The following GTF3C6 variants were observed in gnomAD, a reference collection of about 807,000 sequenced individuals.
GTF3C6 encodes general transcription factor 3C polypeptide 6.
Under a neutral mutation model 19.2 loss-of-function variants are expected in GTF3C6, and 11 were observed. The observed-to-expected ratio is 0.57, with a 90% CI of 0.36 to 0.95. The LOEUF is 0.95. Ranked by LOEUF, GTF3C6 falls within the 40% of genes least tolerant of loss-of-function variation. The pLI, the probability that GTF3C6 is intolerant of heterozygous loss-of-function variation, is 0.01. For synonymous variants in GTF3C6, 87 were observed against 84.2 expected, an observed-to-expected ratio of 1.03 and a Z score of -0.18; for missense variants, 222 against 254.7, an observed-to-expected ratio of 0.87 and a Z score of 0.87.
chr6:110,959,440 C>T (rs1221773128), intron 2 of GTF3C6, among the ~76,000 whole-genome samples, 188 bp downstream of exon 2: 1 of 152,032 alleles, frequency 6.6e-6, no homozygotes, highest in Non-Finnish European at 1.5e-5. Context: ...AGAAGTACAG[C>T]GGGGACTATG....
At chr6:110,963,162 C>A (rs1283919377) in intron 5 of GTF3C6, among the ~76,000 whole-genome samples, 1 of 152,102 alleles carries the variant, frequency 6.6e-6, no homozygotes, top group Non-Finnish European at 1.5e-5. Context: ...AAGTGATCCA[C>A]CTACCTTGGC....
chr6:110,966,170 T>C (rs1431761307), intron 5 of GTF3C6, among the ~76,000 whole-genome samples: 2 of 152,286 alleles, frequency 1.3e-5, no homozygotes, highest in Admixed American at 1.3e-4. Context: ...TTTTATGAAC[T>C]AGCCTTAGAA....
At chr6:110,962,606 C>T (rs1351403952) in intron 5 of GTF3C6, 101 bp downstream of exon 5, 6 of 675,002 alleles carry the variant, frequency 8.9e-6, no homozygotes, top group African/African-American at 1.8e-5. Context: ...AATAACTATA[C>T]ATGATTTTTG....
chr6:110,959,971 A>AATAAT (rs544376504), intron 2 of GTF3C6, among the ~76,000 whole-genome samples: 1 of 151,374 alleles, frequency 6.6e-6, no homozygotes, highest in Admixed American at 6.6e-5. Flanking sequence ...TAAAAAAAAA[A>AATAAT]AATAATAATA....
At position 110,959,067 on chromosome 6, in the gene GTF3C6, A is replaced by G; in HGVS notation, c.58-105A>G. 3 of 929,354 alleles carry G rather than the reference A, an allele frequency of 3.2e-6. No homozygotes were observed. The East Asian group carries it at 7.2e-5, about 22-fold the overall frequency. The allele number at this position is 929,354 out of a possible 1,614,324, so 57.6% of individuals were successfully genotyped here. A position where few individuals can be genotyped will look rare whatever the true frequency, so the allele number is the denominator to read the frequency against. On this transcript the variant is annotated intron_variant, in intron 1 of 5. Transcript: ENST00000329970. ...GGTAGCGTAGTTTCCTCTTGCTGAA[A>G]ACAGGGTCCGGTTTTCACAAATGTG...
rs117118545 is a variant in GTF3C6, at chr6:110,962,817, C to T, written c.361+312C>T. Among the ~76,000 whole-genome samples the T allele has an allele frequency of 5.3e-4, 80 of 152,046 alleles. 2 individuals are homozygous for T. The East Asian group carries it at 0.015, about 28-fold the overall frequency. On this transcript the variant is annotated intron_variant, in intron 5 of 5. Transcript: ENST00000329970. ...TTATCCAGACGAAGTCTCGCACTGTCGCCCGGGCCGGAGTGCAGTGTCGCG... is the reference window on the plus strand; with the variant it reads ...TTATCCAGACGAAGTCTCGCACTGTTGCCCGGGCCGGAGTGCAGTGTCGCG...
At chr6:110,966,838 A>G (rs1283704504) in intron 5 of GTF3C6, among the ~76,000 whole-genome samples, 4 of 149,590 alleles carry the variant, frequency 2.7e-5, no homozygotes, top group Admixed American at 6.6e-5. Context: ...ATGAATATCT[A>G]TAGTTGAAGC....
At position 110,967,634 on chromosome 6, in the gene GTF3C6, A is replaced by G. The variant is rs753531895; in HGVS notation, c.486A>G (p.Glu162=). 6.2e-7 allele frequency: 1 copy of G among 1,614,156 alleles called. No homozygotes were observed. The highest frequency in any genetic ancestry group is 8.5e-7 in the Non-Finnish European group (1 of 1,180,014). ...CTTCAGCCCCAGATAAATCTTTGGA[A>G]TTGGAAGAGGAAGAGATTCAAATGA... ...VVASAPDKSL[E]LEEEEIQMND... The change falls in exon 6 of 6, where the codon GAA becomes GAG. Residue 162 remains glutamate, a synonymous_variant. Coordinates refer to ENST00000329970, the MANE Select transcript of GTF3C6 (RefSeq NM_138408.4).
intron 5 of GTF3C6, among the ~76,000 whole-genome samples, chr6:110,966,757 CAG>C (rs1327249016): frequency 6.6e-6 from 1 of 152,002 alleles, no homozygotes; most frequent in Non-Finnish European, 1.5e-5. Context: ...TGCTAAATAA[CAG>C]AATAAAGGAA....
intron 5 of GTF3C6, among the ~76,000 whole-genome samples, chr6:110,962,821 C>T (rs184350990): frequency 7.2e-5 from 11 of 152,142 alleles, no homozygotes; most frequent in Admixed American, 3.3e-4. Flanking sequence ...CACTGTCGCC[C>T]GGGCCGGAGT....
At chr6:110,963,068 G>A (rs1431208239) in intron 5 of GTF3C6, among the ~76,000 whole-genome samples, 2 of 151,936 alleles carry the variant, frequency 1.3e-5, no homozygotes, top group African/African-American at 2.4e-5. Flanking sequence ...TGAGCCACCG[G>A]TGCCTGGCCA....
At chr6:110,961,943 C>G (rs184605230) in intron 4 of GTF3C6, among the ~76,000 whole-genome samples, 12 of 151,850 alleles carry the variant, frequency 7.9e-5, no homozygotes, top group African/African-American at 2.9e-4. Context: ...GCTTTTGTTG[C>G]CCAGGCTGGA....
chr6:110,964,284 G>A (rs1484760785), intron 5 of GTF3C6, among the ~76,000 whole-genome samples: 1 of 150,922 alleles, frequency 6.6e-6, no homozygotes, highest in African/African-American at 2.4e-5. Context: ...TCACTCCGTC[G>A]CCCAGGCTGG....
At chr6:110,967,311 T>A (rs956181801) in intron 5 of GTF3C6, among the ~76,000 whole-genome samples, 199 bp from the exon 6 acceptor site, 1 of 152,166 alleles carries the variant, frequency 6.6e-6, no homozygotes, top group Non-Finnish European at 1.5e-5. Flanking sequence ...TGATGGTACC[T>A]ACCTAATAGG....
At chr6:110,960,343 G>A (rs562908969) in intron 2 of GTF3C6, 71 bp from the exon 3 acceptor site, 12 of 1,337,898 alleles carry the variant, frequency 9.0e-6, no homozygotes, top group Middle Eastern at 2.1e-4. Context: ...AGTTTCCTTG[G>A]TAGCAAGGTT....
At position 110,960,444 on chromosome 6, in the gene GTF3C6, G is replaced by A; in HGVS notation, c.169G>A (p.Val57Met). ...GIDTERPILQVDSCVFAGEYE... is the reference protein window; with the variant it reads ...GIDTERPILQMDSCVFAGEYE... ...TGACACTGAGAGGCCCATTCTGCAA[G>A]TGGACAGCTGTGTCTTTGCTGGGGA... The change falls in exon 3 of 6, where the codon GTG becomes ATG. Residue 57 changes from valine to methionine, a missense_variant. Coordinates refer to ENST00000329970, the MANE Select transcript of GTF3C6 (RefSeq NM_138408.4). 1 of 1,613,904 alleles carries A rather than the reference G, an allele frequency of 6.2e-7. No individual in the cohort carries two copies. The highest frequency in any genetic ancestry group is 1.1e-5 in the South Asian group (1 of 91,062).
intron 4 of GTF3C6, among the ~76,000 whole-genome samples, chr6:110,960,938 C>T (rs1269783391): frequency 6.6e-6 from 1 of 151,660 alleles, no homozygotes; most frequent in Admixed American, 6.6e-5. Context: ...CCCAGCTACT[C>T]GGGAGACTGA....
At chr6:110,962,802 G>T (rs999925654) in intron 5 of GTF3C6, among the ~76,000 whole-genome samples, 9 of 150,670 alleles carry the variant, frequency 6.0e-5, no homozygotes, top group South Asian at 4.2e-4. Context: ...TTATCCAGAC[G>T]AAGTCTCGCA....
chr6:110,962,603 A>G (rs1771175077), intron 5 of GTF3C6, 98 bp downstream of exon 5: 2 of 682,952 alleles, frequency 2.9e-6, no homozygotes, highest in South Asian at 1.8e-5. Flanking sequence ...AGTAATAACT[A>G]TACATGATTT....
Sources: gnomAD v4.1 joint callset for allele counts (sites outside exome capture counted in the v4.1 genomes callset) on GRCh38, gnomAD v4.1.1 for gene constraint, MANE v1.5 for transcripts, NCBI Gene and HGNC (gene_info 2026-07-23, HGNC 2026-07-21) for gene names.